The following COP1 variants were observed in gnomAD, a reference collection of about 807,000 sequenced individuals.
COP1 encodes the protein COP1 E3 ubiquitin ligase, also known as E3 ubiquitin-protein ligase COP1.
Under a neutral mutation model 101.3 loss-of-function variants are expected in COP1, and 24 were observed. The observed-to-expected ratio is 0.24, with a 90% CI of 0.17 to 0.33. The LOEUF is 0.33. Ranked by LOEUF, COP1 falls within the 10% of genes least tolerant of loss-of-function variation. The pLI is 1.00. For synonymous variants in COP1, 347 were observed against 341.9 expected (o/e 1.01, Z -0.17); for missense variants, 663 against 906.2 (o/e 0.73, Z 3.45).
chr1:176,010,586 G>T (rs1418724038), intron 15 of COP1, among the ~76,000 whole-genome samples: 1 of 152,158 alleles, frequency 6.6e-6, no homozygotes, highest in Non-Finnish European at 1.5e-5. Context: ...CTATAAAGGT[G>T]ATGGTCCTTT....
At chr1:175,999,559 C>T (rs2148848309) in intron 15 of COP1, among the ~76,000 whole-genome samples, 1 of 152,094 alleles carries the variant, frequency 6.6e-6, no homozygotes. Context: ...GCGAACAGTG[C>T]CGCAAAAAAC....
intron 15 of COP1, among the ~76,000 whole-genome samples, chr1:176,000,943 G>C (rs1661455688): frequency 1.3e-5 from 2 of 151,942 alleles, no homozygotes; most frequent in Non-Finnish European, 2.9e-5. Flanking sequence ...TCAAAATTCT[G>C]CTGCAATATA....
chr1:176,032,448 C>A (rs1668795125), intron 14 of COP1, among the ~76,000 whole-genome samples: 1 of 152,170 alleles, frequency 6.6e-6, no homozygotes, highest in Non-Finnish European at 1.5e-5. Context: ...TAAAGCTTAG[C>A]TACTTAAAAC....
chr1:175,988,608 G>C, intron 16 of COP1, 196 bp from the exon 17 acceptor site: 1 of 442,734 alleles, frequency 2.3e-6, no homozygotes. Flanking sequence ...CGAGGCAGGT[G>C]GACCACCTGA....
intron 18 of COP1, among the ~76,000 whole-genome samples, chr1:175,981,096 A>G (rs1655734128): frequency 6.6e-6 from 1 of 152,182 alleles, no homozygotes. Context: ...AATAAAAAAG[A>G]TAAGACTTTC....
intron 1 of COP1, among the ~76,000 whole-genome samples, chr1:176,190,886 T>TA (rs566818926): frequency 0.018 from 2,674 of 149,402 alleles, 77 homozygotes; most frequent in African/African-American, 0.061. Context: ...TGGTTCCAAC[T>TA]AAAAAAAAAA....
intron 14 of COP1, among the ~76,000 whole-genome samples, chr1:176,028,021 G>A (rs1286942851): frequency 1.3e-5 from 2 of 152,064 alleles, no homozygotes; most frequent in Non-Finnish European, 2.9e-5. Context: ...GCAAGAGAGC[G>A]TGTGCAGGGG....
At chr1:176,056,151 G>A (rs1673441477) in intron 11 of COP1, among the ~76,000 whole-genome samples, 1 of 152,108 alleles carries the variant, frequency 6.6e-6, no homozygotes, top group South Asian at 2.1e-4. Flanking sequence ...ATCTTACTGT[G>A]TTGTGATCAG....
rs1349571976 is a variant in COP1 at position 176,003,166 on chromosome 1, TG to T, written c.1730-13688del. The stretch of plus-strand genomic sequence containing the variant: ...TGCATAAATGTCTTCTTTTGAGAAG[TG>T]TCTGTTCATGTCCTTTGCCCACTTT... On this transcript the variant is annotated intron_variant, in intron 15 of 19. Coordinates refer to ENST00000367669, the MANE Select transcript of COP1 (RefSeq NM_022457.7). Among the ~76,000 whole-genome samples the T allele has an allele frequency of 5.3e-5, 8 of 152,294 alleles. No homozygotes were observed. The East Asian group carries it at 1.2e-3, about 22-fold the overall frequency.
intron 1 of COP1, among the ~76,000 whole-genome samples, chr1:176,190,643 G>A (rs556579227): frequency 5.9e-5 from 9 of 151,474 alleles, no homozygotes; most frequent in South Asian, 4.2e-4. Context: ...ATTGCAATCC[G>A]GCCCAAGTAA....
chr1:176,077,203 AACACAGAT>A (rs1678208949), intron 11 of COP1, among the ~76,000 whole-genome samples: 1 of 152,142 alleles, frequency 6.6e-6, no homozygotes, highest in Non-Finnish European at 1.5e-5. Context: ...ATCCCTCATA[AACACAGAT>A]ACAAAAATCC....
At chr1:176,060,438 TACG>T (rs751762657) in intron 11 of COP1, among the ~76,000 whole-genome samples, 6 of 152,342 alleles carry the variant, frequency 3.9e-5, no homozygotes, top group East Asian at 3.9e-4. Context: ...CCAAAGTTAC[TACG>T]ACATTTTGTC....
At chr1:176,194,897 G>C (rs376482875) in intron 1 of COP1, among the ~76,000 whole-genome samples, 3 of 150,278 alleles carry the variant, frequency 2.0e-5, no homozygotes, top group African/African-American at 7.4e-5. Flanking sequence ...GCACCATGGC[G>C]AGACCCTGTC....
intron 11 of COP1, among the ~76,000 whole-genome samples, chr1:176,080,730 ACCT>A: frequency 6.6e-6 from 1 of 152,330 alleles, no homozygotes; most frequent in East Asian, 1.9e-4. Flanking sequence ...GAAATAGATA[ACCT>A]GATTAACCCT....
At chr1:176,106,942 A>C (rs1365604597) in intron 9 of COP1, among the ~76,000 whole-genome samples, 1 of 152,186 alleles carries the variant, frequency 6.6e-6, no homozygotes, top group African/African-American at 2.4e-5. Flanking sequence ...TTCAAACCCA[A>C]GCCAGTAGTG....
At chr1:176,106,179 C>T (rs941933658) in intron 9 of COP1, among the ~76,000 whole-genome samples, 1 of 152,050 alleles carries the variant, frequency 6.6e-6, no homozygotes, top group African/African-American at 2.4e-5. Flanking sequence ...TACAGGCATA[C>T]ATCACCACAC....
chr1:176,037,440 T>C (rs1169908946), intron 14 of COP1, among the ~76,000 whole-genome samples: 1 of 140,934 alleles, frequency 7.1e-6, no homozygotes, highest in Admixed American at 7.1e-5. Context: ...AAAAAACACA[T>C]AGCACATAGA....
chr1:175,986,335 A>C (rs1657120526), intron 18 of COP1, among the ~76,000 whole-genome samples: 1 of 152,202 alleles, frequency 6.6e-6, no homozygotes, highest in Non-Finnish European at 1.5e-5. Flanking sequence ...TTATTTTTTC[A>C]TATAACTTAT....
intron 15 of COP1, among the ~76,000 whole-genome samples, chr1:176,021,838 A>G (rs1187260991): frequency 6.6e-6 from 1 of 152,214 alleles, no homozygotes; most frequent in Non-Finnish European, 1.5e-5. Context: ...GAAAAAGAGA[A>G]GCATAAAAAA....
Sources: gnomAD v4.1 joint callset for allele counts (sites outside exome capture counted in the v4.1 genomes callset) on GRCh38, gnomAD v4.1.1 for gene constraint, MANE v1.5 for transcripts, NCBI Gene and HGNC (gene_info 2026-07-23, HGNC 2026-07-21) for gene names.